The following MAPK10 variants were observed in gnomAD, a reference collection of about 807,000 sequenced individuals.
MAPK10 encodes the protein mitogen-activated protein kinase 10.
Under a neutral mutation model 59.3 loss-of-function variants are expected in MAPK10, and 25 were observed. The ratio of observed to expected loss-of-function variants is 0.42; its 90% CI spans 0.31 to 0.59. The LOEUF is 0.59. Among genes scored for constraint, MAPK10 ranks in the 20% least tolerant of loss-of-function variants. MAPK10 has a pLI of 0.15. For missense variants in MAPK10, 351 were observed against 568.9 expected (o/e 0.62, Z 3.90); for synonymous variants, 190 against 200.5 (o/e 0.95, Z 0.44).
At chr4:86,559,829 C>G (rs894635387) in intron 1 of MAPK10, among the ~76,000 whole-genome samples, 2 of 151,618 alleles carry the variant, frequency 1.3e-5, no homozygotes, top group African/African-American at 4.8e-5. Flanking sequence ...ATCCCAGCTA[C>G]TGGGGAGGCT....
chr4:86,280,143 A>C (rs2094741417), intron 2 of MAPK10, among the ~76,000 whole-genome samples: 1 of 152,204 alleles, frequency 6.6e-6, no homozygotes, highest in Non-Finnish European at 1.5e-5. Context: ...GAAGCAGAGC[A>C]AAAGAAACTA....
intron 1 of MAPK10, among the ~76,000 whole-genome samples, chr4:86,534,417 C>T (rs892602419): frequency 6.6e-6 from 1 of 151,668 alleles, no homozygotes; most frequent in Non-Finnish European, 1.5e-5. Context: ...TTTTGGAAGA[C>T]AAAAGAAACA....
intron 1 of MAPK10, among the ~76,000 whole-genome samples, chr4:86,427,764 T>A (rs912121564): frequency 3.9e-5 from 6 of 152,340 alleles, no homozygotes; most frequent in African/African-American, 1.2e-4. Flanking sequence ...TTATACTTTA[T>A]TTCTGTTCTT....
intron 2 of MAPK10, among the ~76,000 whole-genome samples, chr4:86,240,325 T>A (rs1381543755): frequency 2.0e-5 from 3 of 152,218 alleles, no homozygotes; most frequent in African/African-American, 7.2e-5. Flanking sequence ...GTATATTCTG[T>A]TGATGTGGGG....
At chr4:86,492,163 A>G (rs1189729833) in intron 1 of MAPK10, among the ~76,000 whole-genome samples, 1 of 152,214 alleles carries the variant, frequency 6.6e-6, no homozygotes, top group African/African-American at 2.4e-5. Context: ...TAAGAGAAGT[A>G]AGAATACTGT....
chr4:86,065,480 AT>A (rs1273112281), intron 10 of MAPK10: 4 of 152,194 alleles, frequency 2.6e-5, no homozygotes, highest in African/African-American at 9.6e-5. Flanking sequence ...GGTGATAGCT[AT>A]TTATTTAGTA....
In MAPK10 at chr4:86,188,901, C is replaced by A. The variant is rs369560877; in HGVS notation, c.66+5435G>T. Among the ~76,000 whole-genome samples the A allele has an allele frequency of 3.3e-5, 5 of 152,268 alleles. No homozygotes were observed. The South Asian group carries it at 6.2e-4, about 19-fold the overall frequency. On this transcript the variant is annotated intron_variant, in intron 3 of 13. Transcript: ENST00000641462. ...ATGGTTTTAGGTCTTACGTTTAAGT[C>A]TTTAATCCATCTTGAGTTAATCTTT...
At chr4:86,485,825 A>G (rs760667686) in intron 1 of MAPK10, among the ~76,000 whole-genome samples, 11 of 152,242 alleles carry the variant, frequency 7.2e-5, no homozygotes, top group Non-Finnish European at 1.3e-4. Flanking sequence ...AAAAGACAAC[A>G]GAGTTCACGC....
intron 2 of MAPK10, among the ~76,000 whole-genome samples, chr4:86,318,390 TA>T (rs1371751451): frequency 2.0e-5 from 3 of 152,140 alleles, no homozygotes; most frequent in Non-Finnish European, 4.4e-5. Flanking sequence ...CTAAAAAAAC[TA>T]TTTTGAACTA....
chr4:86,387,926 C>T (rs536630151), intron 1 of MAPK10, among the ~76,000 whole-genome samples: 13 of 150,622 alleles, frequency 8.6e-5, no homozygotes, highest in Admixed American at 2.0e-4. Flanking sequence ...AGAAAGTTGT[C>T]TCTTTAAAAA....
chr4:86,495,418 G>A (rs1416610735), intron 1 of MAPK10, among the ~76,000 whole-genome samples: 1 of 152,038 alleles, frequency 6.6e-6, no homozygotes, highest in Non-Finnish European at 1.5e-5. Context: ...CTATTTTGAA[G>A]GAAATCCTAG....
chr4:86,387,027 G>A (rs372680956), intron 1 of MAPK10, among the ~76,000 whole-genome samples: 1 of 152,140 alleles, frequency 6.6e-6, no homozygotes, highest in African/African-American at 2.4e-5. Flanking sequence ...ACACCAACAG[G>A]ATAAAAATCA....
At chr4:86,173,899 T>A (rs2075021875) in intron 3 of MAPK10, among the ~76,000 whole-genome samples, 1 of 140,226 alleles carries the variant, frequency 7.1e-6, no homozygotes, top group African/African-American at 2.8e-5. Context: ...ATTAGAGAAA[T>A]GCAAATCAAA....
chr4:86,437,133 G>A lies in MAPK10; in HGVS notation c.-122+15897C>T, dbSNP rs562538289. ...GGAGGCTGAGGCAGGAGAATGGCGT[G>A]AACCTGGGAGGTGGAGCTTGCAGTG... On this transcript the variant is annotated intron_variant, in intron 1 of 13. Transcript: ENST00000361569. 2.7e-5 allele frequency among the ~76,000 whole-genome samples: 4 copies of A among 150,132 alleles called. No individual in the cohort carries two copies. In the East Asian group the frequency reaches 7.9e-4, roughly 30 times the overall value.
intron 4 of MAPK10, among the ~76,000 whole-genome samples, chr4:86,110,527 G>C (rs2057311210): frequency 6.6e-6 from 1 of 152,160 alleles, no homozygotes; most frequent in Admixed American, 6.5e-5. Context: ...TCAAAGATCA[G>C]ATGGTTGTAA....
intron 1 of MAPK10, among the ~76,000 whole-genome samples, chr4:86,425,742 G>A (rs542548552): frequency 7.2e-5 from 11 of 152,336 alleles, no homozygotes; most frequent in African/African-American, 2.4e-4. Flanking sequence ...GGAGGCCAAG[G>A]CAGGCGGATC....
At chr4:86,344,713 A>G (rs1043257037) in intron 2 of MAPK10, among the ~76,000 whole-genome samples, 3 of 152,154 alleles carry the variant, frequency 2.0e-5, no homozygotes, top group Non-Finnish European at 4.4e-5. Context: ...ACTCTACCAC[A>G]GTAATCTGCC....
At chr4:86,238,470 T>C (rs1047989352) in intron 2 of MAPK10, among the ~76,000 whole-genome samples, 8 of 152,242 alleles carry the variant, frequency 5.3e-5, no homozygotes, top group Non-Finnish European at 1.2e-4. Context: ...TGTTTATTCC[T>C]TTCCATGAGG....
intron 3 of MAPK10, among the ~76,000 whole-genome samples, chr4:86,176,266 A>C (rs973148662): frequency 1.1e-4 from 17 of 152,162 alleles, no homozygotes; most frequent in African/African-American, 4.1e-4. Context: ...TGGAATCCAA[A>C]AGTTGATGCT....
Sources: allele counts gnomAD v4.1 joint callset (sites outside exome capture counted in the v4.1 genomes callset), GRCh38; gene constraint gnomAD v4.1.1; transcripts MANE v1.5; gene names NCBI Gene and HGNC (gene_info 2026-07-23, HGNC 2026-07-21).